The following KIF13A variants were observed in gnomAD, a reference collection of about 807,000 sequenced individuals.
KIF13A encodes the protein kinesin-like protein KIF13A.
Under a neutral mutation model 212.2 loss-of-function variants are expected in KIF13A, and 79 were observed. The ratio of observed to expected loss-of-function variants is 0.37; its 90% CI spans 0.31 to 0.45. The LOEUF is 0.45. KIF13A is among the 20% of genes least tolerant of loss of function. The probability of loss-of-function intolerance (pLI) is 1.00; values close to 1 mark genes in which losing one functional copy is unlikely to be tolerated. For missense variants in KIF13A, 1,901 were observed against 2,209.0 expected, an observed-to-expected ratio of 0.86 and a Z score of 2.79; for synonymous variants, 789 against 808.6, an observed-to-expected ratio of 0.98 and a Z score of 0.41.
rs183290528 is a variant in KIF13A, at chr6:17,929,689, C to T, written c.147-31509G>A. On this transcript the variant is annotated intron_variant, in intron 2 of 38. Coordinates refer to ENST00000259711, the MANE Select transcript of KIF13A (RefSeq NM_022113.6). ...TGCTGGGATTACAGGCGTGAGCCAC[C>T]GCGCCCGGCCGCACTCTCAACTATT... Among the ~76,000 whole-genome samples the T allele has an allele frequency of 4.1e-3, 625 of 152,226 alleles. 2 individuals carry two copies. Among genetic ancestry groups the T allele is most frequent in the African/African-American group, 0.012 (491 of 41,544 alleles).
chr6:17,976,862 G>T (rs1780574994), intron 2 of KIF13A, among the ~76,000 whole-genome samples: 1 of 151,906 alleles, frequency 6.6e-6, no homozygotes, highest in African/African-American at 2.4e-5. Flanking sequence ...AGCACTTTGG[G>T]AGGCCAAGGT....
intron 3 of KIF13A, among the ~76,000 whole-genome samples, chr6:17,893,167 G>A (rs1367449932): frequency 6.6e-6 from 1 of 152,158 alleles, no homozygotes; most frequent in Admixed American, 6.5e-5. Flanking sequence ...CATACATTTG[G>A]TGTCAAGAGT....
chr6:17,910,236 G>A (rs1422142791), intron 2 of KIF13A, among the ~76,000 whole-genome samples: 3 of 152,194 alleles, frequency 2.0e-5, no homozygotes, highest in Non-Finnish European at 4.4e-5. Context: ...GATAAGTAGT[G>A]GGTATTACCC....
intron 4 of KIF13A, among the ~76,000 whole-genome samples, chr6:17,865,271 A>G (rs1224859143): frequency 6.6e-6 from 1 of 151,944 alleles, no homozygotes; most frequent in African/African-American, 2.4e-5. Context: ...CTGAGCCCCC[A>G]GTTTTCCTTC....
At chr6:17,879,194 G>A (rs372055087) in intron 3 of KIF13A, among the ~76,000 whole-genome samples, 201 of 152,100 alleles carry the variant, frequency 1.3e-3, no homozygotes, top group Non-Finnish European at 2.0e-3. Flanking sequence ...ATTTACATAC[G>A]GTCCTGTTTT....
Position 17,808,905 on chromosome 6 carries a change from C to G in KIF13A, c.2026G>C (p.Ala676Pro). Residue 676 changes from alanine (A) to proline (P), a missense_variant, in exon 18 of 39, where the codon GCA (alanine) becomes CCA (proline). Ala to Pro is a conservative substitution (Grantham distance 27). Transcript: ENST00000259711. ...TTAACCAGCTGCTCTCGCAGTTTTG[C>G]CAGGCTTTGTCGGAAGAGTTCATCC... is the stretch of plus-strand genomic sequence containing the variant. ...ERDELFRQSL[A>P]KLREQLVKAN... 1 of 1,612,470 alleles carries G rather than the reference C, an allele frequency of 6.2e-7. No individual in the cohort carries two copies. Among genetic ancestry groups the G allele is most frequent in the Non-Finnish European group, 8.5e-7 (1 of 1,179,232 alleles).
chr6:17,972,554 T>C (rs1779897447), intron 2 of KIF13A, among the ~76,000 whole-genome samples: 1 of 152,194 alleles, frequency 6.6e-6, no homozygotes, highest in South Asian at 2.1e-4. Context: ...TGTTAATCTG[T>C]TCAACAAACT....
chr6:17,952,949 G>A (rs1435561125), intron 2 of KIF13A, among the ~76,000 whole-genome samples: 5 of 151,334 alleles, frequency 3.3e-5, no homozygotes, highest in African/African-American at 1.2e-4. Context: ...AAAGAGAAGC[G>A]AAGCGAAGAG....
At chr6:17,964,302 C>T (rs1779111731) in intron 2 of KIF13A, among the ~76,000 whole-genome samples, 1 of 152,160 alleles carries the variant, frequency 6.6e-6, no homozygotes, top group Admixed American at 6.5e-5. Context: ...AAAAATATAA[C>T]TGATAATCAG....
chr6:17,930,649 C>A (rs940488554), intron 2 of KIF13A, among the ~76,000 whole-genome samples: 1 of 152,110 alleles, frequency 6.6e-6, no homozygotes, highest in African/African-American at 2.4e-5. Context: ...CATAACCTTC[C>A]CTGGGACAGA....
intron 2 of KIF13A, among the ~76,000 whole-genome samples, chr6:17,942,979 AAAAAAC>A (rs920729059): frequency 1.4e-4 from 22 of 152,262 alleles, no homozygotes; most frequent in East Asian, 5.8e-4. Flanking sequence ...ACTCTGTCTC[AAAAAAC>A]AAAAACAAAA....
In KIF13A at chr6:17,899,093, G is replaced by C. The variant is rs62398172; in HGVS notation, c.147-913C>G. Among the ~76,000 whole-genome samples the C allele has an allele frequency of 1.3e-5, 2 of 152,150 alleles. No individual in the cohort carries two copies. Among genetic ancestry groups the C allele is most frequent in the Non-Finnish European group, 1.5e-5 (1 of 68,024 alleles). On this transcript the variant is annotated intron_variant, in intron 2 of 38. Transcript: ENST00000259711. This position sits in a 1 kb window ranked among gnomAD's most constrained non-coding sequence, Gnocchi z 5.2. ...TCCCCCCACCTCAGCCTCCCAAAGT[G>C]CTGGGATTACAGGTGTGAACCACTG...
rs1760808945 is a variant in KIF13A, at chr6:17,783,753, G to A, written c.3489-52C>T. 5 of 1,207,330 alleles carry A rather than the reference G, an allele frequency of 4.1e-6. No homozygotes were observed. The East Asian group carries it at 1.0e-4, about 25-fold the overall frequency. The allele number at this position is 1,207,330 out of a possible 1,614,324, so 74.8% of individuals were successfully genotyped here. On this transcript the variant is annotated intron_variant, in intron 28 of 38. Transcript: ENST00000259711. This position sits in a 1 kb window ranked among gnomAD's most constrained non-coding sequence, Gnocchi z 4.3. ...TAACAAAATATGTATTTTACATCTT[G>A]TTAGCTGATAAAACACCACAGAGCT...
Position 17,987,197 on chromosome 6 carries a change from C to T in KIF13A, c.56-53G>A. The T allele has an allele frequency of 7.3e-7, 1 of 1,373,796 alleles. No individual in the cohort carries two copies. 85.1% of individuals were successfully genotyped at this position (1,373,796 alleles called of 1,614,324 possible). On this transcript the variant is annotated intron_variant, in intron 1 of 38. Transcript: ENST00000259711. This position sits in a 1 kb window ranked among gnomAD's most constrained non-coding sequence, Gnocchi z 7.7. ...AAAGTCCAGCATCCGCGCCTCCAGC[C>T]CGCCCGCCCGCCAGCCGCGCCGAGC...
chr6:17,778,058 A>T (rs1483594616), intron 33 of KIF13A, among the ~76,000 whole-genome samples: 1 of 152,096 alleles, frequency 6.6e-6, no homozygotes, highest in Admixed American at 6.6e-5. Flanking sequence ...CAATTGCTTG[A>T]ACCCAGGAGG....
intron 26 of KIF13A, among the ~76,000 whole-genome samples, chr6:17,788,438 C>T (rs1194404350): frequency 6.6e-6 from 1 of 152,184 alleles, no homozygotes; most frequent in Non-Finnish European, 1.5e-5. Flanking sequence ...AACATGCAGT[C>T]AGCCATGCTT....
intron 2 of KIF13A, among the ~76,000 whole-genome samples, chr6:17,941,469 G>GGA (rs1251442617): frequency 6.6e-6 from 1 of 152,144 alleles, no homozygotes; most frequent in Non-Finnish European, 1.5e-5. Flanking sequence ...TCTGGAGATA[G>GGA]GAGCTTGAAA....
At chr6:17,812,236 G>A (rs1465830455) in intron 17 of KIF13A, 1 of 152,026 alleles carries the variant, frequency 6.6e-6, no homozygotes, top group Non-Finnish European at 1.5e-5. Context: ...TTGTTATACA[G>A]GTCAACTCAT....
At chr6:17,845,581 AC>A (rs1034279989) in intron 9 of KIF13A, among the ~76,000 whole-genome samples, 20 of 152,350 alleles carry the variant, frequency 1.3e-4, no homozygotes, top group Admixed American at 1.1e-3. Context: ...ATAAAATGGA[AC>A]CATTTTCAGT....
Sources: gnomAD v4.1 joint callset for allele counts (sites outside exome capture counted in the v4.1 genomes callset) on GRCh38, gnomAD v4.1.1 for gene constraint, Gnocchi (gnomAD v3.1) non-coding constraint, MANE v1.5 for transcripts, NCBI Gene and HGNC (gene_info 2026-07-23, HGNC 2026-07-21) for gene names.